Variants in AUTS2 observed in about 807,000 individuals in gnomAD.
The protein encoded by AUTS2 is activator of transcription and developmental regulator AUTS2, also known as autism susceptibility gene 2 protein.
Under a neutral mutation model 112.4 loss-of-function variants are expected in AUTS2, and 17 were observed. That is an observed-to-expected ratio of 0.15 (90% CI 0.10 to 0.23). The LOEUF (loss-of-function observed/expected upper bound fraction) is 0.23, where lower values mean the gene tolerates loss of function less well. AUTS2 is among the 10% of genes least tolerant of loss of function. AUTS2 has a pLI of 1.00. For missense variants in AUTS2, 1,510 were observed against 1,701.6 expected, an observed-to-expected ratio of 0.89 and a Z score of 1.98; for synonymous variants, 751 against 702.7, an observed-to-expected ratio of 1.07 and a Z score of -1.09.
chr7:70,375,692 C>T (rs1793053500), intron 4 of AUTS2, among the ~76,000 whole-genome samples: 1 of 152,216 alleles, frequency 6.6e-6, no homozygotes, highest in South Asian at 2.1e-4. Flanking sequence ...TCTGAATGGG[C>T]TTTGAGCAAC....
chr7:70,424,482 G>A (rs1176919308), intron 4 of AUTS2, among the ~76,000 whole-genome samples: 5 of 152,144 alleles, frequency 3.3e-5, no homozygotes, highest in African/African-American at 1.2e-4. Flanking sequence ...TCTGTCACTG[G>A]AAGCCTTACT....
At chr7:70,163,423 G>A (rs1808221963) in intron 4 of AUTS2, among the ~76,000 whole-genome samples, 1 of 141,818 alleles carries the variant, frequency 7.1e-6, no homozygotes, top group Non-Finnish European at 1.5e-5. Flanking sequence ...TACTGAACCA[G>A]AAATTTGAAA....
chr7:70,267,686 C>T (rs1787500092), intron 4 of AUTS2, among the ~76,000 whole-genome samples: 1 of 152,210 alleles, frequency 6.6e-6, no homozygotes. Flanking sequence ...ACTGACACTG[C>T]TGTCAAACAC....
intron 3 of AUTS2, among the ~76,000 whole-genome samples, chr7:70,123,360 G>A (rs1404325332): frequency 6.6e-6 from 1 of 151,896 alleles, no homozygotes; most frequent in Non-Finnish European, 1.5e-5. Context: ...TGTAATATAG[G>A]TAAACTCATG....
At chr7:70,125,077 T>C (rs1360867556) in intron 3 of AUTS2, among the ~76,000 whole-genome samples, 1 of 152,206 alleles carries the variant, frequency 6.6e-6, no homozygotes, top group Non-Finnish European at 1.5e-5. Flanking sequence ...GACCTGTTTC[T>C]ATTGGTTGTT....
intron 4 of AUTS2, among the ~76,000 whole-genome samples, chr7:70,422,131 G>A (rs989018441): frequency 2.6e-5 from 4 of 152,132 alleles, no homozygotes; most frequent in Middle Eastern, 3.2e-3. Flanking sequence ...CCTATGTGAC[G>A]GTAGCCTAAG....
chr7:70,114,474 T>C (rs942800655), intron 2 of AUTS2, among the ~76,000 whole-genome samples: 4 of 152,172 alleles, frequency 2.6e-5, no homozygotes, highest in Non-Finnish European at 4.4e-5. Flanking sequence ...AAACGATCCA[T>C]TGGATGTGGC....
chr7:70,318,047 AC>A (rs1243208239), intron 4 of AUTS2, among the ~76,000 whole-genome samples: 3 of 152,056 alleles, frequency 2.0e-5, no homozygotes, highest in Non-Finnish European at 4.4e-5. Flanking sequence ...GCTCTTATTC[AC>A]TGCGGCGTTT....
intron 4 of AUTS2, among the ~76,000 whole-genome samples, chr7:70,281,413 G>A (rs914297235): frequency 6.6e-5 from 10 of 152,338 alleles, no homozygotes; most frequent in Admixed American, 5.9e-4. Flanking sequence ...CCCAGTGGAG[G>A]TTCCCTGCTT....
chr7:69,862,974 G>A (rs1793057802), intron 1 of AUTS2, among the ~76,000 whole-genome samples: 1 of 152,182 alleles, frequency 6.6e-6, no homozygotes, highest in Admixed American at 6.5e-5. Context: ...TGTCTGATTA[G>A]TGAAGAGATT....
At chr7:70,541,372 T>C (rs749115221) in intron 5 of AUTS2, among the ~76,000 whole-genome samples, 3 of 152,232 alleles carry the variant, frequency 2.0e-5, no homozygotes, top group Non-Finnish European at 4.4e-5. Context: ...GTCGTTCATT[T>C]ATTTCAAGTT....
intron 4 of AUTS2, among the ~76,000 whole-genome samples, chr7:70,284,335 A>G (rs187935536): frequency 1.2e-4 from 18 of 152,262 alleles, no homozygotes; most frequent in African/African-American, 3.6e-4. Context: ...GCTGCCATGT[A>G]CTTTCTTTTT....
chr7:70,322,166 T>A (rs952933642), intron 4 of AUTS2, among the ~76,000 whole-genome samples: 1 of 152,144 alleles, frequency 6.6e-6, no homozygotes, highest in Non-Finnish European at 1.5e-5. Context: ...ATTTGTGACT[T>A]TTTTTAAAGG....
intron 4 of AUTS2, among the ~76,000 whole-genome samples, chr7:70,327,939 A>C (rs1246800583): frequency 1.3e-5 from 2 of 152,122 alleles, no homozygotes; most frequent in Non-Finnish European, 2.9e-5. Flanking sequence ...ATGTGTGGTT[A>C]GGCCTTTCTG....
intron 5 of AUTS2, among the ~76,000 whole-genome samples, chr7:70,531,815 CAGTT>C (rs1448934939): frequency 1.2e-4 from 19 of 152,068 alleles, no homozygotes; most frequent in Admixed American, 1.2e-3. Context: ...GAGAGGGTGT[CAGTT>C]AGCTTTTGTT....
intron 2 of AUTS2, among the ~76,000 whole-genome samples, chr7:69,948,250 A>G (rs1237531895): frequency 3.3e-5 from 5 of 152,198 alleles, no homozygotes; most frequent in Non-Finnish European, 7.3e-5. Flanking sequence ...GAATAATTCC[A>G]AATAACTTCA....
intron 1 of AUTS2, among the ~76,000 whole-genome samples, chr7:69,774,124 T>C (rs1788793375): frequency 6.6e-6 from 1 of 152,212 alleles, no homozygotes; most frequent in African/African-American, 2.4e-5. Flanking sequence ...TAAGCAAAGA[T>C]GTCCAGGGCT....
intron 2 of AUTS2, among the ~76,000 whole-genome samples, chr7:69,901,276 C>G (rs1193520554): frequency 1.3e-5 from 2 of 151,474 alleles, no homozygotes; most frequent in Non-Finnish European, 2.9e-5. Flanking sequence ...GTAACCACCC[C>G]CCTCTCCCTC....
rs1322536871 is a variant in AUTS2, at chr7:69,614,370, T to TCTTTTCTTTCTTTTCTTTC, written c.309+14408_309+14409insCTTTTCTTTCTTTTCTTTC. Among the ~76,000 whole-genome samples, 8 of 28,504 alleles carry TCTTTTCTTTCTTTTCTTTC rather than the reference T, an allele frequency of 2.8e-4. 1 individual carries two copies. Among genetic ancestry groups the TCTTTTCTTTCTTTTCTTTC allele is most frequent in the Non-Finnish European group, 4.6e-4 (5 of 10,870 alleles). 18.7% of individuals were successfully genotyped at this position (28,504 alleles called of 152,430 possible). ...TTTCTTTCTTTCTTTCTTTCTTTTT[T>TCTTTTCTTTCTTTTCTTTC]TAAGAGATGGGATCTCACTCTGTTT... On this transcript the variant is annotated intron_variant, in intron 1 of 18. Coordinates refer to ENST00000342771, the MANE Select transcript of AUTS2 (RefSeq NM_015570.4).
Sources: allele counts gnomAD v4.1 joint callset (sites outside exome capture counted in the v4.1 genomes callset), GRCh38; gene constraint gnomAD v4.1.1; transcripts MANE v1.5; gene names NCBI Gene and HGNC (gene_info 2026-07-23, HGNC 2026-07-21).